The following ACOXL variants were observed in gnomAD, a reference collection of about 807,000 sequenced individuals.
The protein encoded by ACOXL is acyl-coenzyme A oxidase-like protein.
In ACOXL, 70 loss-of-function variants were observed where a neutral mutation model predicts 71.9. The observed-to-expected ratio is 0.97, with a 90% CI of 0.80 to 1.19. ACOXL has a LOEUF of 1.19. Among genes scored for constraint, ACOXL ranks in the 50% most tolerant of loss-of-function variants. The pLI, the probability that ACOXL is intolerant of heterozygous loss-of-function variation, is 0.00. For missense variants in ACOXL, 703 were observed against 736.3 expected (o/e 0.95, Z 0.52); for synonymous variants, 253 against 281.6 (o/e 0.90, Z 1.02).
At chr2:110,868,056 C>T (rs773193804) in intron 10 of ACOXL, among the ~76,000 whole-genome samples, 87 of 152,272 alleles carry the variant, frequency 5.7e-4, no homozygotes, top group African/African-American at 1.9e-3. Flanking sequence ...CCACCACGCC[C>T]GGCCAAAAAT....
chr2:110,867,079 G>T (rs1185259346), intron 10 of ACOXL, among the ~76,000 whole-genome samples: 2 of 152,156 alleles, frequency 1.3e-5, no homozygotes, highest in African/African-American at 4.8e-5. Flanking sequence ...GAATGGAGGA[G>T]GGAAGGGACA....
chr2:110,814,999 C>A (rs1281838280), intron 9 of ACOXL, among the ~76,000 whole-genome samples: 2 of 152,010 alleles, frequency 1.3e-5, no homozygotes, highest in East Asian at 3.9e-4. Flanking sequence ...TAAAGACATA[C>A]CCGAGACTGG....
At chr2:111,076,067 T>G (rs534558817) in intron 16 of ACOXL, among the ~76,000 whole-genome samples, 28 of 152,328 alleles carry the variant, frequency 1.8e-4, no homozygotes, top group Middle Eastern at 3.4e-3. Context: ...TAGAATGTTA[T>G]AATGTCAAGA....
At chr2:111,117,280 G>A (rs1389645044) in intron 17 of ACOXL, among the ~76,000 whole-genome samples, 1 of 152,212 alleles carries the variant, frequency 6.6e-6, no homozygotes, top group African/African-American at 2.4e-5. Context: ...GACCAGGGAG[G>A]AAGGACCAAG....
intron 9 of ACOXL, among the ~76,000 whole-genome samples, chr2:110,833,091 A>G (rs139586644): frequency 4.3e-4 from 65 of 152,248 alleles, no homozygotes; most frequent in African/African-American, 1.5e-3. Flanking sequence ...AATGAAACAT[A>G]TTTTTTTCCA....
chr2:110,915,565 A>G (rs2059827964), intron 11 of ACOXL, among the ~76,000 whole-genome samples: 1 of 151,124 alleles, frequency 6.6e-6, no homozygotes, highest in Non-Finnish European at 1.5e-5. Context: ...CTGGGATTAC[A>G]GGCAACTGCA....
intron 12 of ACOXL, among the ~76,000 whole-genome samples, chr2:110,981,588 A>T (rs1392577874): frequency 6.6e-6 from 1 of 152,262 alleles, no homozygotes; most frequent in East Asian, 1.9e-4. Flanking sequence ...ATGCTCAAAG[A>T]AAATGAGTAG....
At chr2:111,066,597 A>G (rs1173114175) in intron 16 of ACOXL, among the ~76,000 whole-genome samples, 3 of 152,240 alleles carry the variant, frequency 2.0e-5, no homozygotes, top group East Asian at 3.8e-4. Context: ...ATGTAAATCT[A>G]CAATTATCTT....
At chr2:110,909,740 G>A (rs1016378875) in intron 11 of ACOXL, among the ~76,000 whole-genome samples, 12 of 151,000 alleles carry the variant, frequency 7.9e-5, no homozygotes, top group African/African-American at 2.9e-4. Flanking sequence ...CATATCTAGT[G>A]TGCTGCTGAC....
intron 12 of ACOXL, among the ~76,000 whole-genome samples, chr2:110,950,218 G>T (rs913214741): frequency 1.3e-5 from 2 of 152,006 alleles, no homozygotes; most frequent in Non-Finnish European, 2.9e-5. Flanking sequence ...ATGTTAATTT[G>T]TGGTTACTGG....
intron 7 of ACOXL, among the ~76,000 whole-genome samples, chr2:110,799,325 A>G (rs1685668350): frequency 6.6e-6 from 1 of 152,188 alleles, no homozygotes; most frequent in Non-Finnish European, 1.5e-5. Flanking sequence ...AGTTTCTTCC[A>G]GCTTCTCAAA....
At chr2:110,891,790 A>G (rs1331739910) in intron 10 of ACOXL, among the ~76,000 whole-genome samples, 2 of 152,088 alleles carry the variant, frequency 1.3e-5, no homozygotes, top group Non-Finnish European at 2.9e-5. Context: ...TTTTTGAGCA[A>G]AGTTCAGAAG....
At chr2:111,109,966 C>T (rs1312632507) in intron 17 of ACOXL, among the ~76,000 whole-genome samples, 2 of 152,126 alleles carry the variant, frequency 1.3e-5, no homozygotes, top group Non-Finnish European at 2.9e-5. Context: ...GCATGAGCCA[C>T]CGTGCCTGGC....
chr2:110,967,822 C>G, intron 12 of ACOXL: 1 of 982,920 alleles, frequency 1.0e-6, no homozygotes, highest in Non-Finnish European at 1.6e-6. Context: ...ATGTGGGTCT[C>G]TGTTTTGCAG....
chr2:110,791,960 T>C (rs966206652), intron 3 of ACOXL, among the ~76,000 whole-genome samples: 5 of 152,172 alleles, frequency 3.3e-5, no homozygotes, highest in Admixed American at 6.5e-5. Context: ...CAACTCTGCC[T>C]CCTTCCCCCA....
chr2:110,831,026 T>C (rs1283550788), intron 9 of ACOXL, among the ~76,000 whole-genome samples: 1 of 152,200 alleles, frequency 6.6e-6, no homozygotes, highest in African/African-American at 2.4e-5. Flanking sequence ...ACAGGTAACA[T>C]TATATTTAAA....
chr2:110,781,839 C>T (rs796290972), intron 2 of ACOXL, among the ~76,000 whole-genome samples: 74 of 151,988 alleles, frequency 4.9e-4, no homozygotes, highest in African/African-American at 1.6e-3. Flanking sequence ...TGAATCATGG[C>T]GGTTTTAGTT....
chr2:110,905,935 G>A (rs976068951), intron 10 of ACOXL, among the ~76,000 whole-genome samples: 4 of 152,128 alleles, frequency 2.6e-5, no homozygotes, highest in African/African-American at 9.7e-5. Context: ...TGGAGCCTTG[G>A]TGGCCTCTTT....
intron 1 of ACOXL, among the ~76,000 whole-genome samples, chr2:110,767,923 A>AACACACACAC (rs58524964): frequency 5.2e-5 from 6 of 114,364 alleles, no homozygotes; most frequent in African/African-American, 1.7e-4. Flanking sequence ...GTCTCTACTA[A>AACACACACAC]ACACACACAC....
Sources: gnomAD v4.1 joint callset for allele counts (sites outside exome capture counted in the v4.1 genomes callset) on GRCh38, gnomAD v4.1.1 for gene constraint, MANE v1.5 for transcripts, NCBI Gene and HGNC (gene_info 2026-07-23, HGNC 2026-07-21) for gene names.